KIRREL3: variants seen among roughly 807,000 people sequenced by gnomAD.
KIRREL3 encodes kin of IRRE-like protein 3.
In KIRREL3, 36 loss-of-function variants were observed where a neutral mutation model predicts 89.7. The ratio of observed to expected loss-of-function variants is 0.40; its 90% CI spans 0.31 to 0.53. The LOEUF is 0.53. KIRREL3 is among the 20% of genes least tolerant of loss of function. The probability of loss-of-function intolerance (pLI) is 0.49; values close to 1 mark genes in which losing one functional copy is unlikely to be tolerated. For missense variants in KIRREL3, 864 were observed against 1,056.6 expected (o/e 0.82, Z 2.53); for synonymous variants, 445 against 441.4 (o/e 1.01, Z -0.10).
At chr11:126,494,590 G>A (rs2134347301) in intron 4 of KIRREL3, among the ~76,000 whole-genome samples, 1 of 152,260 alleles carries the variant, frequency 6.6e-6, no homozygotes, top group Non-Finnish European at 1.5e-5. Flanking sequence ...CTAGATTATT[G>A]ATTCTTTGGG....
chr11:126,456,248 C>T (rs966848339), intron 7 of KIRREL3, 101 bp downstream of exon 7: 4 of 757,446 alleles, frequency 5.3e-6, no homozygotes, highest in African/African-American at 5.2e-5. Context: ...GGACTAGGCA[C>T]ACACTGCAGC....
At chr11:126,821,262 AG>A (rs1254548526) in intron 1 of KIRREL3, among the ~76,000 whole-genome samples, 4 of 150,646 alleles carry the variant, frequency 2.7e-5, no homozygotes, top group Admixed American at 1.3e-4. Context: ...GACACCCCCC[AG>A]CAGTGCTTCT....
intron 1 of KIRREL3, among the ~76,000 whole-genome samples, chr11:126,785,902 A>T (rs1950473943): frequency 1.5e-5 from 2 of 136,950 alleles, no homozygotes; most frequent in South Asian, 2.5e-4. Context: ...AAAAAAAAAA[A>T]GCCTACAGAA....
rs1949774494 is a variant in KIRREL3, at chr11:126,764,908, C to T, written c.56-201996G>A. Among the ~76,000 whole-genome samples, 3 of 152,180 alleles carry T rather than the reference C, an allele frequency of 2.0e-5. No homozygotes were observed. In the South Asian group the frequency reaches 6.2e-4, roughly 32 times the overall value. On this transcript the variant is annotated intron_variant, in intron 1 of 16. Transcript: ENST00000525144. The surrounding 1 kb of genome is among the most constrained non-coding windows in gnomAD (Gnocchi z 4.2). ...TCTTCAATGAACCACCTATGTGTCA[C>T]TTATGTCAATATCTCAGCTCTGGTT...
Position 126,605,067 on chromosome 11 carries a change from A to C in KIRREL3, c.56-42155T>G, listed in dbSNP as rs529152997. Among the ~76,000 whole-genome samples the C allele has an allele frequency of 4.6e-5, 7 of 152,348 alleles. No individual in the cohort carries two copies. The highest frequency in any genetic ancestry group is 1.7e-4 in the African/African-American group (7 of 41,592). ...AAAGACCCATAATCACAGACAATGC[A>C]TCGAGCCTGGTGAGGGTGTGGCCTT... On this transcript the variant is annotated intron_variant, in intron 1 of 16. Transcript: ENST00000525144. The surrounding 1 kb of genome is among the most constrained non-coding windows in gnomAD (Gnocchi z 5.7).
chr11:126,626,852 T>A (rs1788959), intron 1 of KIRREL3, among the ~76,000 whole-genome samples: 139,973 of 152,156 alleles, frequency 0.92, 64,607 homozygotes, highest in East Asian at 1. Flanking sequence ...TACTAAAAAT[T>A]CAAAAATTAG....
At chr11:126,818,805 G>A (rs1466642869) in intron 1 of KIRREL3, among the ~76,000 whole-genome samples, 2 of 37,934 alleles carry the variant, frequency 5.3e-5, no homozygotes, top group Non-Finnish European at 8.7e-5. Context: ...GTTGATTTCA[G>A]GTCAGCCTCT....
intron 4 of KIRREL3, among the ~76,000 whole-genome samples, chr11:126,517,136 A>AGAGAGAGAGAGAGAGAG (rs1958437220): frequency 1.4e-5 from 2 of 140,904 alleles, no homozygotes; most frequent in Non-Finnish European, 1.5e-5. Flanking sequence ...GAGAGAGAGA[A>AGAGAGAGAGAGAGAGAG]AGAGAGAGAG....
rs1396052429 is a variant in KIRREL3 at position 126,555,771 on chromosome 11, C to T, written c.133+7064G>A. Among the ~76,000 whole-genome samples, 24 of 148,956 alleles carry T rather than the reference C, an allele frequency of 1.6e-4. No individual in the cohort carries two copies. Among genetic ancestry groups the T allele is most frequent in the Non-Finnish European group, 3.0e-4 (20 of 67,572 alleles). On this transcript the variant is annotated intron_variant, in intron 2 of 16. Transcript: ENST00000525144. This position sits in a 1 kb window ranked among gnomAD's most constrained non-coding sequence, Gnocchi z 4.2. ...TTTTTTTTTTTTTGAGACGGAGTCTCCCTCTATCACTCAGGCTGGAGTGCA... is the reference window on the plus strand; with the variant it reads ...TTTTTTTTTTTTTGAGACGGAGTCTTCCTCTATCACTCAGGCTGGAGTGCA...
chr11:126,509,892 C>CA (rs1958148159), intron 4 of KIRREL3, among the ~76,000 whole-genome samples: 2 of 141,552 alleles, frequency 1.4e-5, no homozygotes, highest in South Asian at 4.4e-4. Context: ...AGGAGATTCG[C>CA]AGGAGAATCA....
chr11:126,678,867 A>C (rs143209763), intron 1 of KIRREL3, among the ~76,000 whole-genome samples: 1 of 152,228 alleles, frequency 6.6e-6, no homozygotes, highest in African/African-American at 2.4e-5. Context: ...CTGGACTTTA[A>C]CTCATTTGCT....
At chr11:126,825,280 G>T (rs1441333569) in intron 1 of KIRREL3, among the ~76,000 whole-genome samples, 1 of 152,114 alleles carries the variant, frequency 6.6e-6, no homozygotes, top group Non-Finnish European at 1.5e-5. Flanking sequence ...AACTTTGACA[G>T]CCTGGTGACG....
intron 1 of KIRREL3, among the ~76,000 whole-genome samples, chr11:126,711,426 G>T (rs1235050924): frequency 6.6e-6 from 1 of 152,156 alleles, no homozygotes; most frequent in East Asian, 1.9e-4. Context: ...CTGGGGGGTG[G>T]TGGCTCATGC....
intron 1 of KIRREL3, among the ~76,000 whole-genome samples, chr11:126,968,721 G>A (rs535943429): frequency 6.6e-6 from 1 of 152,110 alleles, no homozygotes; most frequent in Admixed American, 6.5e-5. Context: ...TTTATAACAC[G>A]GCAGCCCCTT....
At chr11:126,452,581 C>T (rs888789047) in intron 7 of KIRREL3, among the ~76,000 whole-genome samples, 5 of 152,214 alleles carry the variant, frequency 3.3e-5, no homozygotes, top group Admixed American at 2.0e-4. Context: ...GAGAAGCTCT[C>T]GCCTCTCCTC....
rs746828376 is a variant in KIRREL3 at position 126,755,290 on chromosome 11, T to C, written c.56-192378A>G. Among the ~76,000 whole-genome samples the C allele has an allele frequency of 1.3e-5, 2 of 152,192 alleles. No individual in the cohort carries two copies. Among genetic ancestry groups the C allele is most frequent in the Non-Finnish European group, 2.9e-5 (2 of 68,036 alleles). On this transcript the variant is annotated intron_variant, in intron 1 of 16. Coordinates refer to ENST00000525144, the MANE Select transcript of KIRREL3 (RefSeq NM_032531.4). This position sits in a 1 kb window ranked among gnomAD's most constrained non-coding sequence, Gnocchi z 4.3. ...CATAGCCCTGCAGACAGTTCCCTCT[T>C]GATCCCTTGCACCAGGCTGGGTGGA...
rs953883530 is a variant in KIRREL3, at chr11:126,744,258, T to C, written c.56-181346A>G. ...ACACAACTTTTTTTTTTTTTATGGG[T>C]GGAAAGCCTTTGATAAGCATTTGTT... is the stretch of plus-strand genomic sequence containing the variant. On this transcript the variant is annotated intron_variant, in intron 1 of 16. Transcript: ENST00000525144. The surrounding 1 kb of genome is among the most constrained non-coding windows in gnomAD (Gnocchi z 4.7). Among the ~76,000 whole-genome samples the C allele has an allele frequency of 6.7e-6, 1 of 148,976 alleles. No individual in the cohort carries two copies. The highest frequency in any genetic ancestry group is 2.5e-5 in the African/African-American group (1 of 40,418).
chr11:126,681,812 G>C (rs773160459), intron 1 of KIRREL3: 1 of 444,542 alleles, frequency 2.2e-6, no homozygotes, highest in Non-Finnish European at 4.5e-6. Context: ...TATTGGATCA[G>C]TATTCCTGAG....
intron 4 of KIRREL3, among the ~76,000 whole-genome samples, chr11:126,510,575 G>C (rs1958189864): frequency 6.6e-6 from 1 of 151,946 alleles, no homozygotes; most frequent in Non-Finnish European, 1.5e-5. Context: ...GGGATTACAG[G>C]TGTGAGCCAC....
Sources: allele counts gnomAD v4.1 joint callset (sites outside exome capture counted in the v4.1 genomes callset), GRCh38; gene constraint gnomAD v4.1.1; non-coding constraint Gnocchi (gnomAD v3.1); transcripts MANE v1.5; gene names NCBI Gene and HGNC (gene_info 2026-07-23, HGNC 2026-07-21).